Variants in TSPAN9 observed in about 807,000 individuals in gnomAD.
TSPAN9 encodes the protein tetraspanin 9.
A neutral mutation model predicts 31.0 loss-of-function variants in TSPAN9; 16 were observed. The ratio of observed to expected loss-of-function variants is 0.52; its 90% confidence interval spans 0.35 to 0.78. TSPAN9 has a LOEUF of 0.78. Among genes scored for constraint, TSPAN9 ranks in the 30% least tolerant of loss-of-function variants. The pLI, the probability that TSPAN9 is intolerant of heterozygous loss-of-function variation, is 0.01. For missense variants in TSPAN9, 272 were observed against 312.5 expected (o/e 0.87, Z 0.98); for synonymous variants, 145 against 121.6 (o/e 1.19, Z -1.27).
intron 3 of TSPAN9, among the ~76,000 whole-genome samples, chr12:3,273,719 GC>G (rs1340867404): frequency 6.6e-6 from 1 of 152,124 alleles, no homozygotes; most frequent in East Asian, 1.9e-4. Context: ...TCCTGCTCCT[GC>G]CGCACCCTCT....
rs866948697 is a variant in TSPAN9 at position 3,174,464 on chromosome 12, G to A, written c.-17-26713G>A. ...TTCTGTGTGTTAGAAAATGAAGAGA[G>A]GTTTGTGTGTTCATTTCCAGGAGCC... is the stretch of plus-strand genomic sequence containing the variant. On this transcript the variant is annotated intron_variant, in intron 2 of 8. Coordinates refer to ENST00000011898, the MANE Select transcript of TSPAN9 (RefSeq NM_006675.5). Among the ~76,000 whole-genome samples the A allele has an allele frequency of 3.9e-5, 6 of 152,342 alleles. 1 individual carries two copies. In the South Asian group the frequency reaches 1.2e-3, roughly 32 times the overall value.
intron 3 of TSPAN9, among the ~76,000 whole-genome samples, chr12:3,227,945 C>T (rs936719341): frequency 3.9e-5 from 6 of 152,134 alleles, no homozygotes; most frequent in African/African-American, 1.2e-4. Context: ...CCTTCATATA[C>T]GTCTCTCATT....
chr12:3,150,235 T>C (rs1231709217), intron 2 of TSPAN9, among the ~76,000 whole-genome samples: 1 of 152,246 alleles, frequency 6.6e-6, no homozygotes, highest in Non-Finnish European at 1.5e-5. Context: ...AGTTATAGGC[T>C]TAATACCCTT....
intron 2 of TSPAN9, among the ~76,000 whole-genome samples, chr12:3,103,185 T>C (rs771062384): frequency 6.6e-5 from 10 of 152,232 alleles, no homozygotes; most frequent in Non-Finnish European, 1.3e-4. Flanking sequence ...TTCCTGAGCC[T>C]GTTCTCTATT....
At chr12:3,082,581 T>C (rs1320615124) in intron 1 of TSPAN9, among the ~76,000 whole-genome samples, 1 of 151,760 alleles carries the variant, frequency 6.6e-6, no homozygotes, top group African/African-American at 2.4e-5. Context: ...TTAAGGAGGG[T>C]GAATCTGAGG....
chr12:3,212,728 C>G (rs924293111), intron 3 of TSPAN9, among the ~76,000 whole-genome samples: 2 of 152,130 alleles, frequency 1.3e-5, no homozygotes, highest in African/African-American at 4.8e-5. Context: ...GGGTGCAGGT[C>G]AGGGGTGAGC....
chr12:3,214,944 C>G, intron 3 of TSPAN9, among the ~76,000 whole-genome samples: 1 of 152,088 alleles, frequency 6.6e-6, no homozygotes, highest in East Asian at 1.9e-4. Context: ...CTGCCTGCCT[C>G]TCACCCGGCT....
chr12:3,210,294 G>A (rs1466618888), intron 3 of TSPAN9, among the ~76,000 whole-genome samples: 1 of 152,210 alleles, frequency 6.6e-6, no homozygotes, highest in African/African-American at 2.4e-5. Context: ...GTTTTCCAGT[G>A]AGGATGTATC....
chr12:3,168,858 C>T lies in TSPAN9; in HGVS notation c.-17-32319C>T. ...CTGCCTCGATGGCCCCGCCTCCCTC[C>T]CGGCCAGTGTGGGCGTGCAGATGGA... On this transcript the variant is annotated intron_variant, in intron 2 of 8. Transcript: ENST00000011898. This position sits in a 1 kb window ranked among gnomAD's most constrained non-coding sequence, Gnocchi z 4.0. Among the ~76,000 whole-genome samples, 1 of 152,320 alleles carries T rather than the reference C, an allele frequency of 6.6e-6. No homozygotes were observed. Among genetic ancestry groups the T allele is most frequent in the East Asian group, 1.9e-4 (1 of 5,184 alleles).
intron 3 of TSPAN9, 126 bp downstream of exon 3, chr12:3,201,382 T>TA (rs968036255): frequency 4.0e-4 from 363 of 905,162 alleles, no homozygotes; most frequent in South Asian, 5.2e-4. Flanking sequence ...AGTGTGCTTT[T>TA]AAAAAAAAAT....
chr12:3,193,732 C>T (rs2098365658), intron 2 of TSPAN9, among the ~76,000 whole-genome samples: 1 of 152,236 alleles, frequency 6.6e-6, no homozygotes, highest in Non-Finnish European at 1.5e-5. Context: ...CCAGCCCACT[C>T]CGAATGGGCA....
At chr12:3,246,520 G>C (rs1342365413) in intron 3 of TSPAN9, among the ~76,000 whole-genome samples, 1 of 152,156 alleles carries the variant, frequency 6.6e-6, no homozygotes, top group Non-Finnish European at 1.5e-5. Flanking sequence ...AGGGAAAGAG[G>C]CAGATGGACA....
intron 2 of TSPAN9, among the ~76,000 whole-genome samples, chr12:3,198,476 CCACCAGCACAGGT>C (rs2098368690): frequency 8.7e-6 from 1 of 114,900 alleles, no homozygotes; most frequent in East Asian, 2.5e-4. Flanking sequence ...GCACAGGCCA[CCACCAGCACAGGT>C]CACCAGCACA....
chr12:3,191,920 C>G (rs981540122), intron 2 of TSPAN9, among the ~76,000 whole-genome samples: 8 of 152,056 alleles, frequency 5.3e-5, no homozygotes, highest in African/African-American at 1.9e-4. Flanking sequence ...TTAGTTTTGA[C>G]AGTGGGGGGC....
chr12:3,108,590 C>T (rs1340328618), intron 2 of TSPAN9, among the ~76,000 whole-genome samples: 1 of 152,184 alleles, frequency 6.6e-6, no homozygotes, highest in Non-Finnish European at 1.5e-5. Context: ...GAAACACCCA[C>T]TGTTTAGTTC....
Position 3,187,329 on chromosome 12 carries a change from A to G in TSPAN9, c.-17-13848A>G, listed in dbSNP as rs142116306. ...CGTCTCTGCTTTTCCTAGCTGGGTA[A>G]TCCTAAATGCATGAGTGTCCTCTCA... On this transcript the variant is annotated intron_variant, in intron 2 of 8. Coordinates refer to ENST00000011898, the MANE Select transcript of TSPAN9 (RefSeq NM_006675.5). The surrounding 1 kb of genome is among the most constrained non-coding windows in gnomAD (Gnocchi z 5.2). Among the ~76,000 whole-genome samples, 993 of 152,122 alleles carry G rather than the reference A, an allele frequency of 6.5e-3. 11 individuals carry two copies. Among genetic ancestry groups the G allele is most frequent in the African/African-American group, 0.022 (933 of 41,486 alleles).
intron 3 of TSPAN9, chr12:3,206,263 GC>G (rs1381587004): frequency 8.8e-6 from 4 of 454,350 alleles, no homozygotes; most frequent in African/African-American, 8.0e-5. Context: ...TTTACTGAAT[GC>G]CCACTCTGTG....
chr12:3,131,171 G>A (rs2098329694), intron 2 of TSPAN9, among the ~76,000 whole-genome samples: 1 of 150,008 alleles, frequency 6.7e-6, no homozygotes, highest in South Asian at 2.1e-4. Flanking sequence ...CCCTTTACGT[G>A]CCAGGAGCTG....
At chr12:3,127,780 A>T (rs1029968492) in intron 2 of TSPAN9, among the ~76,000 whole-genome samples, 3 of 152,212 alleles carry the variant, frequency 2.0e-5, no homozygotes, top group African/African-American at 7.2e-5. Flanking sequence ...CCATAATTGT[A>T]TGTGCTGTGG....
Sources: allele counts gnomAD v4.1 joint callset (sites outside exome capture counted in the v4.1 genomes callset), GRCh38; gene constraint gnomAD v4.1.1; non-coding constraint Gnocchi (gnomAD v3.1); transcripts MANE v1.5; gene names NCBI Gene and HGNC (gene_info 2026-07-23, HGNC 2026-07-21).